Variants in SFMBT2 observed in about 807,000 individuals in gnomAD.
SFMBT2 encodes the protein Scm like with four mbt domains 2.
A neutral mutation model predicts 110.1 loss-of-function variants in SFMBT2; 38 were observed. The observed-to-expected ratio is 0.35, with a 90% CI of 0.27 to 0.45. The LOEUF (loss-of-function observed/expected upper bound fraction) is 0.45. SFMBT2 is among the 20% of genes least tolerant of loss of function. The pLI is 1.00. For missense variants in SFMBT2, 1,011 were observed against 1,094.9 expected (o/e 0.92, Z 1.08); for synonymous variants, 425 against 425.4 (o/e 1.00, Z 0.01).
intron 15 of SFMBT2, among the ~76,000 whole-genome samples, chr10:7,195,142 C>T (rs747907590): frequency 6.6e-6 from 1 of 152,236 alleles, no homozygotes; most frequent in Non-Finnish European, 1.5e-5. Flanking sequence ...AATCCATTCA[C>T]AGACTGACAG....
intron 4 of SFMBT2, among the ~76,000 whole-genome samples, chr10:7,364,681 G>C (rs762257360): frequency 6.6e-6 from 1 of 152,210 alleles, no homozygotes; most frequent in Non-Finnish European, 1.5e-5. Flanking sequence ...AGTGAGTCAT[G>C]AATGTGATGG....
intron 16 of SFMBT2, among the ~76,000 whole-genome samples, chr10:7,187,509 C>T (rs1838454470): frequency 6.6e-6 from 1 of 152,226 alleles, no homozygotes; most frequent in Non-Finnish European, 1.5e-5. Flanking sequence ...AAACCCTCTT[C>T]TTATTTACAT....
chr10:7,202,962 A>G, intron 12 of SFMBT2: 3 of 985,462 alleles, frequency 3.0e-6, no homozygotes, highest in Non-Finnish European at 3.6e-6. Flanking sequence ...CAACTAAAAC[A>G]TGTTATTCAC....
intron 11 of SFMBT2, chr10:7,215,637 G>C: frequency 3.0e-6 from 3 of 985,356 alleles, no homozygotes; most frequent in Non-Finnish European, 3.6e-6. Context: ...ATGGAGGCAG[G>C]GCCCCGCAGA....
At chr10:7,364,309 T>A (rs531836760) in intron 4 of SFMBT2, among the ~76,000 whole-genome samples, 12 of 152,374 alleles carry the variant, frequency 7.9e-5, no homozygotes, top group African/African-American at 2.9e-4. Context: ...TTTAAGTATT[T>A]CCATCACATT....
At chr10:7,317,766 T>C (rs1371929928) in intron 4 of SFMBT2, among the ~76,000 whole-genome samples, 1 of 151,752 alleles carries the variant, frequency 6.6e-6, no homozygotes, top group African/African-American at 2.4e-5. Flanking sequence ...AGGAAAACAC[T>C]AATTTATGTA....
At chr10:7,275,699 A>G (rs550695582) in intron 7 of SFMBT2, among the ~76,000 whole-genome samples, 1 of 152,298 alleles carries the variant, frequency 6.6e-6, no homozygotes, top group South Asian at 2.1e-4. Flanking sequence ...CAACATAATC[A>G]CATGGCTAAG....
chr10:7,308,932 A>C (rs190875752), intron 4 of SFMBT2, among the ~76,000 whole-genome samples: 3 of 152,354 alleles, frequency 2.0e-5, no homozygotes, highest in Admixed American at 6.5e-5. Context: ...ACACTTACGC[A>C]CTTCCCAGAA....
intron 11 of SFMBT2, among the ~76,000 whole-genome samples, chr10:7,217,552 C>A (rs187433209): frequency 1.3e-5 from 2 of 152,164 alleles, no homozygotes; most frequent in African/African-American, 4.8e-5. Context: ...AAAAAAGATG[C>A]TAAGGAAGAC....
chr10:7,171,197 C>T lies in SFMBT2; in HGVS notation c.2416-141G>A. ...CCTCACTGGGCACCTGAAAAAGCTG[C>T]ACACACTCTCAGTCCCTGAGAAAGT... On this transcript the variant is annotated intron_variant, in intron 19 of 20. Coordinates refer to ENST00000397167, the MANE Select transcript of SFMBT2 (RefSeq NM_001387889.1). The surrounding 1 kb of genome is among the most constrained non-coding windows in gnomAD (Gnocchi z 4.9). The T allele has an allele frequency of 7.0e-7, 1 of 1,429,192 alleles. No homozygotes were observed. The allele number at this position is 1,429,192 out of a possible 1,614,324, so 88.5% of individuals were successfully genotyped here. A position where few individuals can be genotyped will look rare whatever the true frequency, so the allele number is the denominator to read the frequency against.
chr10:7,271,986 C>G (rs547187470), intron 7 of SFMBT2, among the ~76,000 whole-genome samples: 4 of 152,246 alleles, frequency 2.6e-5, no homozygotes, highest in African/African-American at 9.6e-5. Flanking sequence ...TGGGTGGGGA[C>G]ACAGAGCCAA....
chr10:7,360,330 G>T (rs1325651903), intron 4 of SFMBT2, among the ~76,000 whole-genome samples: 1 of 152,202 alleles, frequency 6.6e-6, no homozygotes, highest in East Asian at 1.9e-4. Context: ...AGCTAGGCAT[G>T]GTGGTGCGTG....
At chr10:7,410,365 A>C (rs1846339037) in intron 1 of SFMBT2, among the ~76,000 whole-genome samples, 1 of 152,142 alleles carries the variant, frequency 6.6e-6, no homozygotes, top group Admixed American at 6.5e-5. Flanking sequence ...CCCAAACCAA[A>C]AGAAAGGGGA....
chr10:7,213,349 A>C (rs1839416690), intron 11 of SFMBT2, among the ~76,000 whole-genome samples: 1 of 152,220 alleles, frequency 6.6e-6, no homozygotes, highest in Non-Finnish European at 1.5e-5. Flanking sequence ...TGAAGAGGGC[A>C]GAGACAGCAG....
At chr10:7,341,170 T>C (rs1161412744) in intron 4 of SFMBT2, among the ~76,000 whole-genome samples, 1 of 152,172 alleles carries the variant, frequency 6.6e-6, no homozygotes, top group Non-Finnish European at 1.5e-5. Context: ...ATCAGTGAAC[T>C]TCCTCGGGCC....
At chr10:7,297,549 G>A (rs554033515) in intron 4 of SFMBT2, among the ~76,000 whole-genome samples, 1 of 152,210 alleles carries the variant, frequency 6.6e-6, no homozygotes, top group African/African-American at 2.4e-5. Context: ...GGGAGGGGGA[G>A]GAGAAGCAGG....
rs1470785959 is a variant in SFMBT2 at position 7,277,354 on chromosome 10, A to C, written c.773-365T>G. The C allele has an allele frequency of 1.3e-5, 3 of 225,896 alleles. No homozygotes were observed. The Admixed American group carries it at 2.1e-4, about 15-fold the overall frequency. 14.0% of individuals were successfully genotyped at this position (225,896 alleles called of 1,614,324 possible). On this transcript the variant is annotated intron_variant, in intron 6 of 20. Coordinates refer to ENST00000397167, the MANE Select transcript of SFMBT2 (RefSeq NM_001387889.1). The stretch of plus-strand genomic sequence containing the variant: ...TCACCTAGGAAAGCAATGCCCACTG[A>C]TGAGGAACTTATTATCTGATACATT...
intron 4 of SFMBT2, among the ~76,000 whole-genome samples, chr10:7,306,699 TAA>T (rs955576716): frequency 9.1e-6 from 1 of 109,978 alleles, no homozygotes; most frequent in South Asian, 2.6e-4. Flanking sequence ...AAATAGCAAC[TAA>T]AAAAAAAATG....
chr10:7,233,825 C>T (rs1840179127), intron 9 of SFMBT2, among the ~76,000 whole-genome samples: 1 of 152,212 alleles, frequency 6.6e-6, no homozygotes, highest in Non-Finnish European at 1.5e-5. Context: ...CTGTGGCAAC[C>T]CTTCAGGGGA....
Sources: gnomAD v4.1 joint callset for allele counts (sites outside exome capture counted in the v4.1 genomes callset) on GRCh38, gnomAD v4.1.1 for gene constraint, Gnocchi (gnomAD v3.1) non-coding constraint, MANE v1.5 for transcripts, NCBI Gene and HGNC (gene_info 2026-07-23, HGNC 2026-07-21) for gene names.